The following PON1 variants were observed in gnomAD, a reference collection of about 807,000 sequenced individuals.
PON1 encodes the protein paraoxonase 1.
In PON1, 37 loss-of-function variants were observed where a neutral mutation model predicts 39.2. That is an observed-to-expected ratio of 0.94 (90% CI 0.73 to 1.24). The LOEUF is 1.24. Ranked by LOEUF, PON1 falls within the 50% of genes most tolerant of loss-of-function variation. PON1 has a pLI of 0.00. For synonymous variants in PON1, 148 were observed against 152.2 expected (o/e 0.97, Z 0.21); for missense variants, 397 against 413.5 (o/e 0.96, Z 0.35).
At chr7:95,314,204 C>T (rs556875638) in intron 4 of PON1, among the ~76,000 whole-genome samples, 10 of 151,966 alleles carry the variant, frequency 6.6e-5, no homozygotes, top group South Asian at 4.2e-4. Context: ...TACTAAAATA[C>T]GAAAAATCAG....
In PON1 at chr7:95,316,745, A is replaced by G; in HGVS notation, c.190T>C (p.Phe64Leu). Residue 64 changes from phenylalanine (F) to leucine (L), a missense_variant, in exon 3 of 9, where the codon TTC becomes CTC. Physicochemically the swap from Phe to Leu is conservative, Grantham distance 22. Transcript: ENST00000222381. ...DLEILPNGLA[F>L]ISSGLKYPGI... ...AAGAAAACACTCACAGAGCTAATGA[A>G]AGCCAGTCCATTAGGCAGTATCTCC... is the stretch of plus-strand genomic sequence containing the variant. 1.2e-6 allele frequency: 2 copies of G among 1,613,438 alleles called. No homozygotes were observed. Among genetic ancestry groups the G allele is most frequent in the Non-Finnish European group, 1.7e-6 (2 of 1,179,420 alleles).
intron 7 of PON1, among the ~76,000 whole-genome samples, chr7:95,303,379 C>T (rs1807474386): frequency 6.6e-6 from 1 of 152,208 alleles, no homozygotes; most frequent in Non-Finnish European, 1.5e-5. Context: ...CCCTAAACCC[C>T]TGTCCATCCC....
intron 2 of PON1, among the ~76,000 whole-genome samples, chr7:95,317,748 C>T (rs1807803465): frequency 6.6e-6 from 1 of 152,208 alleles, no homozygotes; most frequent in South Asian, 2.1e-4. Context: ...ACCGTTTTAT[C>T]TTTGCTGACA....
rs1807780438 is a variant in PON1, at chr7:95,316,854, T to C, written c.146-65A>G. 4.1e-6 allele frequency: 5 copies of C among 1,224,450 alleles called. No individual in the cohort carries two copies. In the South Asian group the frequency reaches 4.8e-5, roughly 12 times the overall value. 75.8% of individuals were successfully genotyped at this position (1,224,450 alleles called of 1,614,324 possible). On this transcript the variant is annotated intron_variant, in intron 2 of 8. Transcript: ENST00000222381. Reference sequence around the variant, plus strand: ...TTATTGCAGGATGTGGATCCATTTCTTTATCACACCTCACTTGAAACTGGG... The same window carrying C: ...TTATTGCAGGATGTGGATCCATTTCCTTATCACACCTCACTTGAAACTGGG...
chr7:95,300,439 C>T (rs1009572964), intron 8 of PON1, among the ~76,000 whole-genome samples: 2 of 152,146 alleles, frequency 1.3e-5, no homozygotes, highest in Non-Finnish European at 2.9e-5. Context: ...AAGGCCACTG[C>T]GTGGATATAA....
At chr7:95,318,485 C>CTG in intron 1 of PON1, 92 bp from the exon 2 acceptor site, 1 of 1,211,596 alleles carries the variant, frequency 8.3e-7, no homozygotes, top group Non-Finnish European at 1.2e-6. Flanking sequence ...TTCTCCTTCA[C>CTG]TGTACTTTGC....
rs372449149 is a variant in PON1 at position 95,299,059 on chromosome 7, G to A, written c.953C>T (p.Thr318Ile). The change falls in exon 9 of 9, where the codon ACA (threonine) becomes ATA (isoleucine). Residue 318 changes from threonine to isoleucine, a missense_variant. By Grantham distance (89) the Thr-to-Ile change is moderately conservative (BLOSUM62 -1). Transcript: ENST00000222381. ...TGTGCCATTTTCTGCATAAACCTGT[G>A]TCACTTTAGGTTCTTCTGTTAGAAT... Reference protein sequence around the residue: ...QNILTEEPKVTQVYAENGTVL... With the variant: ...QNILTEEPKVIQVYAENGTVL... 5.6e-6 allele frequency: 9 copies of A among 1,614,078 alleles called. No homozygotes were observed. The highest frequency in any genetic ancestry group is 6.8e-6 in the Non-Finnish European group (8 of 1,179,940).
At position 95,302,107 on chromosome 7, in the gene PON1, A is replaced by AAAAAAAAAAAAAC. The variant is rs1563594302; in HGVS notation, c.909+97_909+98insGTTTTTTTTTTTT. 31 of 796,744 alleles carry AAAAAAAAAAAAAC rather than the reference A, an allele frequency of 3.9e-5. No homozygotes were observed. The African/African-American group carries it at 5.3e-4, about 14-fold the overall frequency. 49.4% of individuals were successfully genotyped at this position (796,744 alleles called of 1,614,324 possible). ...GCGATACTCTGTCACAAAAAAAAAA[A>AAAAAAAAAAAAAC]AAAAAAAAAAAAAACCAAGAATTGA... is the stretch of plus-strand genomic sequence containing the variant. On this transcript the variant is annotated intron_variant, in intron 8 of 8. Transcript: ENST00000222381.
Position 95,298,730 on chromosome 7 carries a change from GT to G in PON1, c.*213del, listed in dbSNP as rs1334804418. Reference sequence around the variant, plus strand: ...GAGAAGGATTTTTATGGTAAATGAGGTTTTCAAGTATTCCAAGACTGATTTG... The same window carrying G: ...GAGAAGGATTTTTATGGTAAATGAGGTTTCAAGTATTCCAAGACTGATTTG... On this transcript the variant is annotated 3_prime_UTR_variant, in exon 9 of 9. Transcript: ENST00000222381. 1 of 612,048 alleles carries G rather than the reference GT, an allele frequency of 1.6e-6. No homozygotes were observed. Among genetic ancestry groups the G allele is most frequent in the Non-Finnish European group, 2.9e-6 (1 of 345,614 alleles). 37.9% of individuals were successfully genotyped at this position (612,048 alleles called of 1,614,324 possible).
chr7:95,299,219 T>C (rs1807362921), intron 8 of PON1, 117 bp from the exon 9 acceptor site: 1 of 1,156,768 alleles, frequency 8.6e-7, no homozygotes, highest in African/African-American at 1.5e-5. Flanking sequence ...AGATAAATCC[T>C]ATTTTGTTCC....
chr7:95,322,402 G>A (rs1017856280), intron 1 of PON1, among the ~76,000 whole-genome samples: 3 of 151,316 alleles, frequency 2.0e-5, no homozygotes, highest in African/African-American at 7.3e-5. Context: ...TAATTTTCGG[G>A]TGGAGAAACT....
At chr7:95,313,470 T>G (rs888078802) in intron 4 of PON1, among the ~76,000 whole-genome samples, 4 of 152,342 alleles carry the variant, frequency 2.6e-5, no homozygotes, top group African/African-American at 9.6e-5. Context: ...TAGAAGGGGT[T>G]GTGTAATATT....
At chr7:95,303,111 A>T (rs1457630642) in intron 7 of PON1, among the ~76,000 whole-genome samples, 1 of 152,224 alleles carries the variant, frequency 6.6e-6, no homozygotes, top group Non-Finnish European at 1.5e-5. Context: ...AGAGGCCAGC[A>T]TACCTCAGTG....
In PON1 at chr7:95,306,345, C is replaced by A. The variant is rs780556698; in HGVS notation, c.720G>T (p.Leu240Phe). The change falls in exon 7 of 9, where the codon TTG (leucine) becomes TTT (phenylalanine). Residue 240 changes from leucine to phenylalanine, a missense_variant. Coordinates refer to ENST00000222381, the MANE Select transcript of PON1 (RefSeq NM_000446.7). ...CATACACATGAATCTTATGAGCCAG[C>A]AACTCAGCTATATAGACATACCTTC... ...PDGKYVYIAE[L>F]LAHKIHVYEK... 1.2e-6 allele frequency: 2 copies of A among 1,611,770 alleles called. No homozygotes were observed. Among genetic ancestry groups the A allele is most frequent in the Non-Finnish European group, 1.7e-6 (2 of 1,178,294 alleles).
chr7:95,315,353 G>A lies in PON1; in HGVS notation c.339C>T (p.Asn113=). The A allele has an allele frequency of 3.1e-6, 5 of 1,613,524 alleles. No homozygotes were observed. The highest frequency in any genetic ancestry group is 4.2e-6 in the Non-Finnish European group (5 of 1,179,570). Residue 113 remains asparagine, a synonymous_variant, in exon 4 of 9, where the codon AAC becomes AAT. Coordinates refer to ENST00000222381, the MANE Select transcript of PON1 (RefSeq NM_000446.7). ...TGSKFDVSSF[N]PHGISTFTDE... ...CTGTGAATGTGCTAATCCCATGAGG[G>A]TTAAATGAAGATACATCAAATTTAC...
In PON1 at chr7:95,298,941, C is replaced by CTGT. The variant is rs780026418; in HGVS notation, c.1068_*2dup. On this transcript the variant is annotated 3_prime_UTR_variant, in exon 9 of 9. Coordinates refer to ENST00000222381, the MANE Select transcript of PON1 (RefSeq NM_000446.7). Reference sequence around the variant, plus strand: ...TTCTATGGCATGGGTGCAAATCGGTCTGTTAGAGCTCACAGTAAAGAGCTT... The same window carrying CTGT: ...TTCTATGGCATGGGTGCAAATCGGTCTGTTGTTAGAGCTCACAGTAAAGAGCTT... 2 of 1,614,094 alleles carry CTGT rather than the reference C, an allele frequency of 1.2e-6. No homozygotes were observed. Among genetic ancestry groups the CTGT allele is most frequent in the African/African-American group, 1.3e-5 (1 of 75,016 alleles).
chr7:95,309,456 G>A (rs1807610493), intron 5 of PON1, among the ~76,000 whole-genome samples: 1 of 152,070 alleles, frequency 6.6e-6, no homozygotes, highest in African/African-American at 2.4e-5. Flanking sequence ...GTTTTTCACA[G>A]AAAGGGGCAG....
At chr7:95,307,940 A>C in intron 6 of PON1, 71 bp downstream of exon 6, 1 of 1,410,630 alleles carries the variant, frequency 7.1e-7, no homozygotes, top group South Asian at 1.2e-5. Flanking sequence ...TATTACTTAA[A>C]AAAAGAATAT....
intron 7 of PON1, 36 bp from the exon 8 acceptor site, chr7:95,302,369 A>G (rs758951170): frequency 3.8e-6 from 6 of 1,580,360 alleles, no homozygotes; most frequent in Non-Finnish European, 5.2e-6. Flanking sequence ...AACAAGACAT[A>G]AAGTAAAACA....
Sources: gnomAD v4.1 joint callset for allele counts (sites outside exome capture counted in the v4.1 genomes callset) on GRCh38, gnomAD v4.1.1 for gene constraint, MANE v1.5 for transcripts, NCBI Gene and HGNC (gene_info 2026-07-23, HGNC 2026-07-21) for gene names.